Variants in BRCA2 observed in about 807,000 individuals in gnomAD.
BRCA2 encodes the protein breast cancer type 2 susceptibility protein.
A neutral mutation model predicts 276.7 loss-of-function variants in BRCA2; 203 were observed. The ratio of observed to expected loss-of-function variants is 0.73; its 90% CI spans 0.65 to 0.82. The LOEUF is 0.82. Among genes scored for constraint, BRCA2 ranks in the 40% least tolerant of loss-of-function variants. BRCA2 has a pLI of 0.00. For synonymous variants in BRCA2, 1,289 were observed against 1,338.4 expected, an observed-to-expected ratio of 0.96 and a Z score of 0.81; for missense variants, 3,920 against 3,915.0, an observed-to-expected ratio of 1.00 and a Z score of -0.03.
At position 32,329,485 on chromosome 13, in the gene BRCA2, C is replaced by T. The variant is rs1555281361; in HGVS notation, c.674C>T (p.Thr225Ile). The T allele has an allele frequency of 6.3e-7, 1 of 1,596,628 alleles. No individual in the cohort carries two copies. Among genetic ancestry groups the T allele is most frequent in the Non-Finnish European group, 8.6e-7 (1 of 1,166,166 alleles). ...TCTGAAACTGTATTTCCTCATGATACTACTGCTGTAAGTAAATATGACATT... is the reference window on the plus strand; with the variant it reads ...TCTGAAACTGTATTTCCTCATGATATTACTGCTGTAAGTAAATATGACATT... ...EASETVFPHD[T>I]TANVKSYFSN... is the part of the protein sequence containing the mutation. The change falls in exon 8 of 27, where the codon ACT (threonine) becomes ATT (isoleucine). Residue 225 changes from threonine to isoleucine, a missense_variant. Transcript: ENST00000380152.
At chr13:32,385,131 T>G (rs2072949838) in intron 24 of BRCA2, 1 of 236,986 alleles carries the variant, frequency 4.2e-6, no homozygotes, top group East Asian at 8.8e-5. Flanking sequence ...GGAAGAATTA[T>G]GAACAGGCCA....
rs11327981 is a variant in BRCA2 at position 32,349,814 on chromosome 13, C to CAAA, written c.7007+2934_7007+2936dup. On this transcript the variant is annotated intron_variant, in intron 13 of 26. Coordinates refer to ENST00000380152, the MANE Select transcript of BRCA2 (RefSeq NM_000059.4). ...TGGACGACAGAGCAAGACCCCACAT[C>CAAA]AAAAAAAAAAAAAAAAAAGCAGCAG... Among the ~76,000 whole-genome samples, 64 of 115,690 alleles carry CAAA rather than the reference C, an allele frequency of 5.5e-4. 1 individual carries two copies. The highest frequency in any genetic ancestry group is 1.8e-3 in the East Asian group (7 of 3,954). 75.9% of individuals were successfully genotyped at this position (115,690 alleles called of 152,430 possible).
chr13:32,369,135 A>G (rs2072810250), intron 18 of BRCA2, among the ~76,000 whole-genome samples: 1 of 149,884 alleles, frequency 6.7e-6, no homozygotes, highest in African/African-American at 2.5e-5. Context: ...ATAGCATCTC[A>G]CCCCCACCCT....
intron 13 of BRCA2, among the ~76,000 whole-genome samples, chr13:32,353,785 T>C (rs539869092): frequency 2.0e-5 from 3 of 151,798 alleles, no homozygotes; most frequent in Non-Finnish European, 2.9e-5. Flanking sequence ...AAATCTGGGG[T>C]TTTCAACAAG....
chr13:32,332,323 A>C lies in BRCA2; in HGVS notation c.845A>C (p.His282Pro), dbSNP rs774063092. 6.2e-7 allele frequency: 1 copy of C among 1,604,254 alleles called. No individual in the cohort carries two copies. The highest frequency in any genetic ancestry group is 8.5e-7 in the Non-Finnish European group (1 of 1,176,230). ...NSFKVNSCKD[H>P]IGKSMPNVLE... ...TTTAAAGTAAATAGCTGCAAAGACC[A>C]CATTGGAAAGTCAATGCCAAATGTC... is the stretch of plus-strand genomic sequence containing the variant. Residue 282 changes from histidine (H) to proline (P), a missense_variant, in exon 10 of 27, where the codon CAC becomes CCC. Around this residue, in one of 2 missense-constraint regions of BRCA2, gnomAD observed 3,263 missense variants for 3,156.9 expected, o/e 1.03. Coordinates refer to ENST00000380152, the MANE Select transcript of BRCA2 (RefSeq NM_000059.4).
chr13:32,358,993 G>A (rs1428271042), intron 16 of BRCA2, among the ~76,000 whole-genome samples: 1 of 151,658 alleles, frequency 6.6e-6, no homozygotes, highest in African/African-American at 2.4e-5. Context: ...AGGTTGAGGT[G>A]GGCAGATCAC....
chr13:32,329,555 A>C, intron 8 of BRCA2, 63 bp downstream of exon 8: 1 of 1,253,730 alleles, frequency 8.0e-7, no homozygotes, highest in East Asian at 2.4e-5. Context: ...TGCCTTGTTA[A>C]ATTATTTATC....
chr13:32,390,116 A>G (rs1345281115), intron 24 of BRCA2, among the ~76,000 whole-genome samples: 1 of 152,188 alleles, frequency 6.6e-6, no homozygotes, highest in Non-Finnish European at 1.5e-5. Context: ...GTTCTATTAG[A>G]AAGTTTCAAG....
At chr13:32,373,879 G>A (rs1357500338) in intron 20 of BRCA2, among the ~76,000 whole-genome samples, 1 of 152,234 alleles carries the variant, frequency 6.6e-6, no homozygotes, top group Non-Finnish European at 1.5e-5. Context: ...TGCACTAACA[G>A]AGGTTCTCTA....
chr13:32,349,789 T>C (rs2072635221), intron 13 of BRCA2, among the ~76,000 whole-genome samples: 1 of 133,408 alleles, frequency 7.5e-6, no homozygotes, highest in Non-Finnish European at 1.5e-5. Context: ...CACTCCAGCC[T>C]GGACGACAGA....
intron 11 of BRCA2, among the ~76,000 whole-genome samples, chr13:32,344,106 ACT>A (rs1283658407): frequency 4.0e-5 from 6 of 151,468 alleles, no homozygotes; most frequent in African/African-American, 1.5e-4. Context: ...AAGCCTCTTA[ACT>A]CTAATTCAAG....
chr13:32,398,090 A>G, intron 26 of BRCA2, 72 bp from the exon 27 acceptor site: 4 of 1,498,422 alleles, frequency 2.7e-6, no homozygotes, highest in Non-Finnish European at 3.6e-6. Flanking sequence ...ATTTTCAATG[A>G]AAAGTTACTT....
chr13:32,344,723 T>A (rs1176992862), intron 12 of BRCA2, 70 bp downstream of exon 12: 1 of 1,088,240 alleles, frequency 9.2e-7, no homozygotes, highest in Non-Finnish European at 1.4e-6. Context: ...TGACCTCAGG[T>A]GATCCACCTG....
In BRCA2 at chr13:32,325,054, C is replaced by T. The variant is rs81002794; in HGVS notation, c.317-22C>T. 66 of 1,481,686 alleles carry T rather than the reference C, an allele frequency of 4.5e-5. No homozygotes were observed. The African/African-American group carries it at 7.4e-4, about 17-fold the overall frequency. The allele number at this position is 1,481,686 out of a possible 1,614,324, so 91.8% of individuals were successfully genotyped here. ...ATAATCCAGAGTATATACATTCTCA[C>T]TGAATTATTGTACTGTTTCAGGAAG... On this transcript the variant is annotated intron_variant, in intron 3 of 26. Coordinates refer to ENST00000380152, the MANE Select transcript of BRCA2 (RefSeq NM_000059.4).
chr13:32,363,372 G>T lies in BRCA2; in HGVS notation c.8170G>T (p.Gly2724Trp), dbSNP rs1057521184. ...QKVAIIELTD[G>W]WYAVKAQLDP... ...AGTGGCCATTATTGAACTTACAGAT[G>T]GGTGGTATGCTGTTAAGGCCCAGTT... The change falls in exon 18 of 27, where the codon GGG (glycine) becomes TGG (tryptophan). Residue 2724 changes from glycine to tryptophan, a missense_variant. Gly to Trp is a radical substitution (Grantham distance 184, BLOSUM62 -2). This residue lies in a region of BRCA2 where 3,263 missense variants were observed against 3,156.9 expected (regional missense o/e 1.03). Transcript: ENST00000380152. 1 of 1,614,134 alleles carries T rather than the reference G, an allele frequency of 6.2e-7. No individual in the cohort carries two copies. Among genetic ancestry groups the T allele is most frequent in the South Asian group, 1.1e-5 (1 of 91,084 alleles).
At chr13:32,365,776 T>A (rs2072778101) in intron 18 of BRCA2, among the ~76,000 whole-genome samples, 1 of 149,178 alleles carries the variant, frequency 6.7e-6, no homozygotes, top group Non-Finnish European at 1.5e-5. Context: ...TTGGCCCAGA[T>A]GCTTACTGGC....
At chr13:32,316,952 C>G (rs773640497) in intron 2 of BRCA2, among the ~76,000 whole-genome samples, 4 of 152,194 alleles carry the variant, frequency 2.6e-5, no homozygotes, top group Admixed American at 2.0e-4. Context: ...AATCCCAGCA[C>G]TTTGGGAGGC....
chr13:32,362,473 GTATCATCC>G, intron 16 of BRCA2, 42 bp from the exon 17 acceptor site: 1 of 1,533,836 alleles, frequency 6.5e-7, no homozygotes, highest in Non-Finnish European at 9.0e-7. Flanking sequence ...GTTGAATTCA[GTATCATCC>G]TATGTGGTTT....
At chr13:32,384,943 CT>C in intron 24 of BRCA2, 1 of 350,564 alleles carries the variant, frequency 2.9e-6, no homozygotes, top group South Asian at 7.2e-5. Context: ...TTTGAGAAGC[CT>C]GGTAACCTGG....
Sources: gnomAD v4.1 joint callset for allele counts (sites outside exome capture counted in the v4.1 genomes callset) on GRCh38, gnomAD v4.1.1 for gene constraint, gnomAD v4.1.1 regional missense constraint, MANE v1.5 for transcripts, NCBI Gene and HGNC (gene_info 2026-07-23, HGNC 2026-07-21) for gene names.